The following RFWD3 variants were observed in gnomAD, a reference collection of about 807,000 sequenced individuals.
The protein encoded by RFWD3 is ring finger and WD repeat domain 3.
A neutral mutation model predicts 87.7 loss-of-function variants in RFWD3; 65 were observed. That is an observed-to-expected ratio of 0.74 (90% CI 0.61 to 0.91). RFWD3 has a LOEUF of 0.91. Among genes scored for constraint, RFWD3 ranks in the 40% least tolerant of loss-of-function variants. The probability of loss-of-function intolerance (pLI) is 0.00; values close to 1 mark genes in which losing one functional copy is unlikely to be tolerated. For missense variants in RFWD3, 1,078 were observed against 938.5 expected (o/e 1.15, Z -1.94); for synonymous variants, 433 against 352.8 (o/e 1.23, Z -2.55).
chr16:74,622,979 T>C lies in RFWD3; in HGVS notation c.*949A>G, dbSNP rs542863137. The C allele has an allele frequency of 6.6e-5, 10 of 152,344 alleles. No homozygotes were observed. Among genetic ancestry groups the C allele is most frequent in the African/African-American group, 2.2e-4 (9 of 41,584 alleles). The allele number at this position is 152,344 out of a possible 1,614,324, so 9.4% of individuals were successfully genotyped here. Reference sequence around the variant, plus strand: ...AGACAAGTTCTTCTCATGTTTTCAATAGCAGTCTGAATAGCTTTTGTAAAT... The same window carrying C: ...AGACAAGTTCTTCTCATGTTTTCAACAGCAGTCTGAATAGCTTTTGTAAAT... On this transcript the variant is annotated 3_prime_UTR_variant, in exon 13 of 13. Coordinates refer to ENST00000361070, the MANE Select transcript of RFWD3 (RefSeq NM_018124.4).
At chr16:74,653,963 T>G (rs1597450412) in intron 2 of RFWD3, among the ~76,000 whole-genome samples, 1 of 152,218 alleles carries the variant, frequency 6.6e-6, no homozygotes, top group Non-Finnish European at 1.5e-5. Context: ...GTTGCTTTTC[T>G]TTTTTGGAAA....
intron 11 of RFWD3, among the ~76,000 whole-genome samples, chr16:74,626,859 G>A (rs981950936): frequency 5.9e-5 from 9 of 152,278 alleles, no homozygotes; most frequent in East Asian, 3.9e-4. Context: ...TCTCCTGCCA[G>A]ACCTCTGCTA....
chr16:74,638,059 T>C (rs1959304112), intron 6 of RFWD3, 89 bp from the exon 7 acceptor site: 2 of 747,166 alleles, frequency 2.7e-6, no homozygotes, highest in Non-Finnish European at 2.3e-6. Context: ...CATGCTATGA[T>C]GCACGTTCTT....
At chr16:74,661,561 C>T in intron 1 of RFWD3, 110 bp from the exon 2 acceptor site, 1 of 1,029,560 alleles carries the variant, frequency 9.7e-7, no homozygotes, top group Non-Finnish European at 1.4e-6. Flanking sequence ...TCATTCTTAG[C>T]AAGACTGAGA....
In RFWD3 at chr16:74,644,667, A is replaced by G; in HGVS notation, c.861T>C (p.Cys287=). The part of the protein sequence containing the change: ...ASMDEEEGDT[C]TICLEQWTNA... Reference sequence around the variant, plus strand: ...TGGTCCACTGTTCCAGACATATTGTACAAGTGTCCCCTTCTTCCTCATCCA... The same window carrying G: ...TGGTCCACTGTTCCAGACATATTGTGCAAGTGTCCCCTTCTTCCTCATCCA... Residue 287 remains cysteine, a synonymous_variant, in exon 5 of 13, where the codon TGT becomes TGC. Coordinates refer to ENST00000361070, the MANE Select transcript of RFWD3 (RefSeq NM_018124.4). The G allele has an allele frequency of 6.2e-7, 1 of 1,614,236 alleles. No individual in the cohort carries two copies. Among genetic ancestry groups the G allele is most frequent in the Non-Finnish European group, 8.5e-7 (1 of 1,180,050 alleles).
intron 6 of RFWD3, among the ~76,000 whole-genome samples, chr16:74,639,540 A>G (rs368209284): frequency 6.6e-6 from 1 of 152,238 alleles, no homozygotes; most frequent in South Asian, 2.1e-4. Context: ...ACAGTGAACA[A>G]ATGGAAGGAT....
At chr16:74,627,310 T>C (rs1213297661) in intron 11 of RFWD3, among the ~76,000 whole-genome samples, 2 of 152,166 alleles carry the variant, frequency 1.3e-5, no homozygotes, top group East Asian at 1.9e-4. Context: ...CATAAATTAT[T>C]TGAAACCCAG....
Position 74,623,376 on chromosome 16 carries a change from T to C in RFWD3, c.*552A>G, listed in dbSNP as rs535581496. The stretch of plus-strand genomic sequence containing the variant: ...ACACTTGTGTGGAGATGAGACAAGT[T>C]ACTAAAAGATTGTCAGCCTTCAAGG... On this transcript the variant is annotated 3_prime_UTR_variant, in exon 13 of 13. Transcript: ENST00000361070. The C allele has an allele frequency of 6.5e-6, 1 of 152,882 alleles. No homozygotes were observed. Among genetic ancestry groups the C allele is most frequent in the Non-Finnish European group, 1.5e-5 (1 of 68,224 alleles). The allele number at this position is 152,882 out of a possible 1,614,324, so 9.5% of individuals were successfully genotyped here. A position where few individuals can be genotyped will look rare whatever the true frequency, so the allele number is the denominator to read the frequency against.
intron 8 of RFWD3, 66 bp from the exon 9 acceptor site, chr16:74,632,739 T>C: frequency 6.9e-7 from 1 of 1,453,800 alleles, no homozygotes; most frequent in South Asian, 1.2e-5. Flanking sequence ...CAAACTAGTT[T>C]TTCAAGTAGC....
At chr16:74,632,772 G>T in intron 8 of RFWD3, 99 bp from the exon 9 acceptor site, 1 of 1,093,458 alleles carries the variant, frequency 9.1e-7, no homozygotes, top group Non-Finnish European at 1.3e-6. Context: ...CTTTCTTGGC[G>T]TATAAGTCCT....
At chr16:74,650,044 C>T (rs1001813552) in intron 3 of RFWD3, among the ~76,000 whole-genome samples, 1 of 152,170 alleles carries the variant, frequency 6.6e-6, no homozygotes, top group Non-Finnish European at 1.5e-5. Context: ...CAGCCCTGGG[C>T]AACCACTAAT....
intron 12 of RFWD3, among the ~76,000 whole-genome samples, chr16:74,625,205 A>AAG (rs956950756): frequency 4.0e-5 from 6 of 150,194 alleles, no homozygotes; most frequent in African/African-American, 1.5e-4. Context: ...GTCTCAAAAA[A>AAG]AAAAAAAAGT....
intron 2 of RFWD3, among the ~76,000 whole-genome samples, chr16:74,656,097 C>CT (rs1960953899): frequency 6.6e-6 from 1 of 151,872 alleles, no homozygotes; most frequent in Non-Finnish European, 1.5e-5. Context: ...TGGCTCACAC[C>CT]TGTAATCTCA....
rs150151715 is a variant in RFWD3 at position 74,661,311 on chromosome 16, G to C, written c.139C>G (p.Gln47Glu). 1.9e-6 allele frequency: 3 copies of C among 1,614,090 alleles called. No individual in the cohort carries two copies. The Admixed American group carries it at 5.0e-5, about 27-fold the overall frequency. The change falls in exon 2 of 13, where the codon CAG becomes GAG. Residue 47 changes from glutamine to glutamate, a missense_variant. Coordinates refer to ENST00000361070, the MANE Select transcript of RFWD3 (RefSeq NM_018124.4). ...QPVPADVVSS[Q>E]GVPSILQPAP... is the part of the protein sequence containing the mutation. ...GGCTGGAGGATGGATGGTACCCCCT[G>C]GCTGCTGACCACATCAGCAGGAACA...
rs1350366606 is a variant in RFWD3 at position 74,624,082 on chromosome 16, C to G, written c.2182-11G>C. On this transcript the variant is annotated splice_polypyrimidine_tract_variant and intron_variant, in intron 12 of 12. Coordinates refer to ENST00000361070, the MANE Select transcript of RFWD3 (RefSeq NM_018124.4). ...GGCAGCATCCCACAGCTAAAGAACA[C>G]AAGCAGAGGGAAGGGTCAGGAGTCA... 1.9e-6 allele frequency: 3 copies of G among 1,613,082 alleles called. No homozygotes were observed. The Admixed American group carries it at 5.0e-5, about 27-fold the overall frequency.
At position 74,647,835 on chromosome 16, in the gene RFWD3, G is replaced by A. The variant is rs188598197; in HGVS notation, c.792+1297C>T. 1.5e-4 allele frequency among the ~76,000 whole-genome samples: 23 copies of A among 152,022 alleles called. No homozygotes were observed. In the East Asian group the frequency reaches 3.3e-3, roughly 22 times the overall value. On this transcript the variant is annotated intron_variant, in intron 4 of 12. Coordinates refer to ENST00000361070, the MANE Select transcript of RFWD3 (RefSeq NM_018124.4). ...TTGAACTCCTGACCTCAGGTGATCC[G>A]CCCGCCTTGGCCTCCAACAGTGCTG...
Position 74,644,528 on chromosome 16 carries a change from C to T in RFWD3, c.987+13G>A. 1 of 1,614,150 alleles carries T rather than the reference C, an allele frequency of 6.2e-7. No individual in the cohort carries two copies. Among genetic ancestry groups the T allele is most frequent in the Non-Finnish European group, 8.5e-7 (1 of 1,179,976 alleles). ...ACTTAACATGTTAATGTGTCCTTACCTATGGTCCTTACCTGGGGACATTTT... is the reference window on the plus strand; with the variant it reads ...ACTTAACATGTTAATGTGTCCTTACTTATGGTCCTTACCTGGGGACATTTT... On this transcript the variant is annotated intron_variant, in intron 5 of 12. Coordinates refer to ENST00000361070, the MANE Select transcript of RFWD3 (RefSeq NM_018124.4).
chr16:74,632,396 AAAC>A (rs1959126679), intron 9 of RFWD3, 124 bp downstream of exon 9: 1 of 1,142,264 alleles, frequency 8.8e-7, no homozygotes, highest in South Asian at 1.5e-5. Context: ...CATCTCAAAA[AAAC>A]AAAACAAAAC....
intron 2 of RFWD3, among the ~76,000 whole-genome samples, chr16:74,656,989 A>G (rs537494408): frequency 6.6e-6 from 1 of 152,086 alleles, no homozygotes; most frequent in Admixed American, 6.6e-5. Context: ...TTTCCTTCTT[A>G]TTGGTTAGTT....
Sources: allele counts gnomAD v4.1 joint callset (sites outside exome capture counted in the v4.1 genomes callset), GRCh38; gene constraint gnomAD v4.1.1; transcripts MANE v1.5; gene names NCBI Gene and HGNC (gene_info 2026-07-23, HGNC 2026-07-21).